The following LY75 variants were observed in gnomAD, a reference collection of about 807,000 sequenced individuals.
The protein encoded by LY75 is C-type lectin domain family 13 member B.
Under a neutral mutation model 231.7 loss-of-function variants are expected in LY75, and 185 were observed. That is an observed-to-expected ratio of 0.80 (90% CI 0.71 to 0.90). LY75 has a LOEUF of 0.90. Ranked by LOEUF, LY75 falls within the 40% of genes least tolerant of loss-of-function variation. LY75 has a pLI of 0.00. For synonymous variants in LY75, 668 were observed against 689.0 expected, an observed-to-expected ratio of 0.97 and a Z score of 0.48; for missense variants, 1,947 against 2,050.2, an observed-to-expected ratio of 0.95 and a Z score of 0.97.
chr2:159,892,353 A>G (rs969868613), intron 3 of LY75, among the ~76,000 whole-genome samples: 1 of 152,214 alleles, frequency 6.6e-6, no homozygotes, highest in African/African-American at 2.4e-5. Context: ...CAAGGACTTC[A>G]TAGCCAGACT....
chr2:159,895,124 C>T (rs985984859), intron 2 of LY75, among the ~76,000 whole-genome samples: 6 of 152,198 alleles, frequency 3.9e-5, no homozygotes, highest in African/African-American at 1.4e-4. Context: ...TTTGATTCTA[C>T]TTTCTTTTCC....
Position 159,882,292 on chromosome 2 carries a change from G to A in LY75, c.1078C>T (p.Arg360Cys), listed in dbSNP as rs35675007. The A allele has an allele frequency of 1.7e-3, 2,716 of 1,613,804 alleles. 8 individuals carry two copies. Among genetic ancestry groups the A allele is most frequent in the African/African-American group, 0.011 (842 of 75,016 alleles). Residue 360 changes from arginine to cysteine, a missense_variant, in exon 7 of 35, where the codon CGC becomes TGC. Transcript: ENST00000263636. ...LTDVWTYSDT[R>C]CDAGWLPNNG... ...TTTGGCAGCCAGCCTGCATCACAGC[G>A]GGTATCTGAGTATGTCCAGACATCT...
At chr2:159,870,177 C>G (rs922852455) in intron 13 of LY75, among the ~76,000 whole-genome samples, 1 of 152,134 alleles carries the variant, frequency 6.6e-6, no homozygotes, top group African/African-American at 2.4e-5. Flanking sequence ...CTGGGCCAGG[C>G]ACTGTGGCTC....
At chr2:159,832,850 T>C (rs1574539751) in intron 27 of LY75, among the ~76,000 whole-genome samples, 2 of 152,346 alleles carry the variant, frequency 1.3e-5, no homozygotes, top group African/African-American at 4.8e-5. Flanking sequence ...AATACTGGTT[T>C]GATATTTTCT....
At chr2:159,884,301 T>C (rs1343445654) in intron 6 of LY75, among the ~76,000 whole-genome samples, 1 of 152,192 alleles carries the variant, frequency 6.6e-6, no homozygotes, top group Non-Finnish European at 1.5e-5. Flanking sequence ...AATACATCCC[T>C]CCAGCTTTGA....
chr2:159,842,147 T>A, intron 24 of LY75, 98 bp downstream of exon 24: 1 of 1,423,884 alleles, frequency 7.0e-7, no homozygotes, highest in African/African-American at 1.5e-5. Flanking sequence ...TTTCAACCTA[T>A]GTTCCCCTCC....
intron 4 of LY75, among the ~76,000 whole-genome samples, chr2:159,889,357 C>A (rs1203608503): frequency 1.3e-5 from 2 of 152,082 alleles, no homozygotes; most frequent in Non-Finnish European, 2.9e-5. Flanking sequence ...GTCTCCAGAG[C>A]AGCTGGGACT....
intron 4 of LY75, among the ~76,000 whole-genome samples, chr2:159,888,406 C>T (rs889312283): frequency 2.0e-5 from 3 of 152,120 alleles, no homozygotes; most frequent in African/African-American, 7.2e-5. Context: ...TAGAGTTCTG[C>T]AATTCTATAT....
chr2:159,900,654 T>G (rs1190320546), intron 1 of LY75, among the ~76,000 whole-genome samples: 1 of 152,244 alleles, frequency 6.6e-6, no homozygotes, highest in Non-Finnish European at 1.5e-5. Context: ...AACTATAAAA[T>G]TAAGTCTCAC....
rs1682737481 is a variant in LY75 at position 159,804,431 on chromosome 2, C to G, written c.*613G>C. On this transcript the variant is annotated 3_prime_UTR_variant, in exon 35 of 35. Coordinates refer to ENST00000263636, the MANE Select transcript of LY75 (RefSeq NM_002349.4). ...TCAGGAGGCTGAGGCAGGAGAATCG[C>G]TTGAACCTGGGAGGCGGAGATTTGC... is the stretch of plus-strand genomic sequence containing the variant. 6.6e-6 allele frequency: 1 copy of G among 152,662 alleles called. No homozygotes were observed. Among genetic ancestry groups the G allele is most frequent in the Non-Finnish European group, 1.5e-5 (1 of 68,174 alleles). The allele number at this position is 152,662 out of a possible 1,614,324, so 9.5% of individuals were successfully genotyped here.
At chr2:159,868,328 C>A (rs1365113491) in intron 13 of LY75, among the ~76,000 whole-genome samples, 1 of 151,948 alleles carries the variant, frequency 6.6e-6, no homozygotes. Context: ...ATGTGCATTA[C>A]TTTTATGATT....
intron 2 of LY75, among the ~76,000 whole-genome samples, chr2:159,896,284 C>T (rs1244757180): frequency 6.6e-6 from 1 of 152,206 alleles, no homozygotes; most frequent in Non-Finnish European, 1.5e-5. Flanking sequence ...AAAAGCAGTT[C>T]ACTCATAAAA....
chr2:159,904,486 C>A (rs918289597), intron 1 of LY75, 103 bp downstream of exon 1: 7 of 1,278,208 alleles, frequency 5.5e-6, no homozygotes, highest in Non-Finnish European at 7.2e-6. Context: ...GCAAAGCAGC[C>A]GTGACCTGCC....
intron 1 of LY75, chr2:159,902,708 G>T (rs1050822428): frequency 1.3e-5 from 2 of 152,244 alleles, no homozygotes; most frequent in African/African-American, 4.8e-5. Flanking sequence ...AGGTTTGTTA[G>T]TTCAAAAACA....
At chr2:159,850,270 T>C in intron 22 of LY75, 92 bp downstream of exon 22, 1 of 1,525,676 alleles carries the variant, frequency 6.6e-7, no homozygotes, top group Non-Finnish European at 8.8e-7. Flanking sequence ...AGAAGTTTAA[T>C]AAGAATTTTT....
chr2:159,889,434 C>T (rs1285785563), intron 4 of LY75, among the ~76,000 whole-genome samples: 1 of 151,982 alleles, frequency 6.6e-6, no homozygotes, highest in Non-Finnish European at 1.5e-5. Flanking sequence ...TCTCACTTTG[C>T]CCAGGCTGGT....
In LY75 at chr2:159,817,089, T is replaced by G. The variant is rs528253684; in HGVS notation, c.4154-57A>C. 3 of 1,465,518 alleles carry G rather than the reference T, an allele frequency of 2.0e-6. No homozygotes were observed. In the South Asian group the frequency reaches 4.2e-5, roughly 20 times the overall value. The allele number at this position is 1,465,518 out of a possible 1,614,324, so 90.8% of individuals were successfully genotyped here. A position where few individuals can be genotyped will look rare whatever the true frequency, so the allele number is the denominator to read the frequency against. On this transcript the variant is annotated intron_variant, in intron 29 of 34. Transcript: ENST00000263636. Reference sequence around the variant, plus strand: ...TTTAAATTATTTCAAATACATCTTTTGGATGAGACAACATGCAATCATTTC... The same window carrying G: ...TTTAAATTATTTCAAATACATCTTTGGGATGAGACAACATGCAATCATTTC...
intron 25 of LY75, among the ~76,000 whole-genome samples, chr2:159,838,663 C>T (rs980323426): frequency 9.2e-5 from 14 of 152,074 alleles, no homozygotes; most frequent in African/African-American, 2.4e-4. Flanking sequence ...CACAACAAAG[C>T]GTTTCACAGA....
At chr2:159,827,757 C>T (rs954748631) in intron 28 of LY75, among the ~76,000 whole-genome samples, 4 of 152,160 alleles carry the variant, frequency 2.6e-5, no homozygotes, top group Non-Finnish European at 5.9e-5. Flanking sequence ...CACATAGATA[C>T]CATAGAATAC....
Sources: gnomAD v4.1 joint callset for allele counts (sites outside exome capture counted in the v4.1 genomes callset) on GRCh38, gnomAD v4.1.1 for gene constraint, MANE v1.5 for transcripts, NCBI Gene and HGNC (gene_info 2026-07-23, HGNC 2026-07-21) for gene names.